Variants in COL21A1 observed in about 807,000 individuals in gnomAD.
COL21A1 encodes the protein collagen alpha-1(XXI) chain.
COL21A1 carries 149 observed loss-of-function variants against 137.9 expected under a neutral mutation model. The observed-to-expected ratio is 1.08, with a 90% CI of 0.95 to 1.24. The LOEUF (loss-of-function observed/expected upper bound fraction) is 1.24. Ranked by LOEUF, COL21A1 falls within the 50% of genes most tolerant of loss-of-function variation. COL21A1 has a pLI of 0.00. For synonymous variants in COL21A1, 456 were observed against 391.5 expected, an observed-to-expected ratio of 1.16 and a Z score of -1.95; for missense variants, 1,167 against 1,158.4, an observed-to-expected ratio of 1.01 and a Z score of -0.11.
chr6:56,227,389 G>A (rs899396878), intron 1 of COL21A1, among the ~76,000 whole-genome samples: 14 of 152,072 alleles, frequency 9.2e-5, no homozygotes, highest in African/African-American at 3.1e-4. Flanking sequence ...AATCCCATAC[G>A]CTTGTTAAGC....
Position 56,222,556 on chromosome 6 carries a change from T to A in COL21A1, c.-39+24831A>T, listed in dbSNP as rs1582676888. On this transcript the variant is annotated intron_variant, in intron 1 of 29. Coordinates refer to ENST00000244728, the MANE Select transcript of COL21A1 (RefSeq NM_030820.4). ...CTAGGGAGTAATTAAATTTAAGACA[T>A]GTAATCCATTTCTATGATGAAACAC... Among the ~76,000 whole-genome samples the A allele has an allele frequency of 4.6e-5, 7 of 152,254 alleles. 1 individual carries two copies. The highest frequency in any genetic ancestry group is 3.9e-4 in the Admixed American group (6 of 15,288).
At chr6:56,103,139 A>G (rs576884818) in intron 16 of COL21A1, among the ~76,000 whole-genome samples, 1 of 152,298 alleles carries the variant, frequency 6.6e-6, no homozygotes, top group South Asian at 2.1e-4. Flanking sequence ...CAGACCAGGC[A>G]AGATCAACTT....
At chr6:56,083,473 G>A (rs1274781078) in intron 17 of COL21A1, among the ~76,000 whole-genome samples, 1 of 151,850 alleles carries the variant, frequency 6.6e-6, no homozygotes. Flanking sequence ...TAGATAATCT[G>A]GAATAAAATT....
intron 1 of COL21A1, among the ~76,000 whole-genome samples, chr6:56,283,796 A>G (rs529971808): frequency 6.6e-6 from 1 of 152,110 alleles, no homozygotes; most frequent in Admixed American, 6.5e-5. Flanking sequence ...AAAAATTCCA[A>G]TACAAAAAGG....
At chr6:56,290,199 C>T (rs941328081) in intron 1 of COL21A1, among the ~76,000 whole-genome samples, 17 of 152,102 alleles carry the variant, frequency 1.1e-4, no homozygotes, top group African/African-American at 4.1e-4. Flanking sequence ...AAGAGATGAG[C>T]TGGGTTGACC....
intron 1 of COL21A1, among the ~76,000 whole-genome samples, chr6:56,204,191 G>A (rs193175278): frequency 6.6e-5 from 10 of 152,116 alleles, no homozygotes; most frequent in East Asian, 3.9e-4. Flanking sequence ...GTCTAGCTCC[G>A]TGGGTCGCTC....
chr6:56,142,011 AT>A, intron 10 of COL21A1, 28 bp from the exon 11 acceptor site: 23 of 1,422,400 alleles, frequency 1.6e-5, no homozygotes, highest in Non-Finnish European at 2.1e-5. Flanking sequence ...AAGAAAAAAA[AT>A]AATATTTCAT....
chr6:56,258,534 CT>C (rs1341838947), intron 1 of COL21A1, among the ~76,000 whole-genome samples: 2 of 152,106 alleles, frequency 1.3e-5, no homozygotes, highest in Admixed American at 6.5e-5. Context: ...AGGTCACAGC[CT>C]TATGACAAGA....
chr6:56,220,902 AG>A (rs1780786795), intron 1 of COL21A1, among the ~76,000 whole-genome samples: 1 of 152,154 alleles, frequency 6.6e-6, no homozygotes, highest in African/African-American at 2.4e-5. Flanking sequence ...GGTCACAAAA[AG>A]GTGGAGCCCA....
At chr6:56,214,574 G>A (rs1780368784) in intron 1 of COL21A1, among the ~76,000 whole-genome samples, 2 of 151,808 alleles carry the variant, frequency 1.3e-5, no homozygotes, top group South Asian at 4.1e-4. Context: ...AGAGTCTGTG[G>A]GTTTAATAGC....
intron 10 of COL21A1, among the ~76,000 whole-genome samples, chr6:56,155,724 T>C (rs1197586403): frequency 4.6e-5 from 7 of 152,204 alleles, no homozygotes; most frequent in Non-Finnish European, 4.4e-5. Flanking sequence ...GCCTCTTAAG[T>C]AGCTGGGATT....
intron 6 of COL21A1, among the ~76,000 whole-genome samples, chr6:56,167,822 T>G (rs1221845687): frequency 6.6e-6 from 1 of 152,174 alleles, no homozygotes; most frequent in Admixed American, 6.5e-5. Flanking sequence ...TTTCCAAATT[T>G]ATTACTTAAA....
chr6:56,153,233 C>T (rs1775460547), intron 10 of COL21A1, among the ~76,000 whole-genome samples: 1 of 152,100 alleles, frequency 6.6e-6, no homozygotes, highest in Non-Finnish European at 1.5e-5. Flanking sequence ...ATAATTCCCT[C>T]AATTAAATTC....
intron 1 of COL21A1, among the ~76,000 whole-genome samples, chr6:56,327,998 A>G (rs139925396): frequency 3.0e-3 from 458 of 152,162 alleles, no homozygotes; most frequent in African/African-American, 0.01. Flanking sequence ...TCGTGGATAT[A>G]AGACAGATTA....
intron 17 of COL21A1, among the ~76,000 whole-genome samples, chr6:56,079,579 T>G (rs1423712034): frequency 6.6e-6 from 1 of 151,534 alleles, no homozygotes; most frequent in Non-Finnish European, 1.5e-5. Flanking sequence ...AGTTTACTCC[T>G]TGGATTTGAT....
intron 1 of COL21A1, among the ~76,000 whole-genome samples, chr6:56,205,539 G>A (rs6934945): frequency 0.63 from 96,151 of 152,052 alleles, 30,698 homozygotes; most frequent in East Asian, 0.86. Context: ...GGGGAGAATG[G>A]AACCAAGTTG....
At chr6:56,351,689 G>A (rs992441302) in intron 1 of COL21A1, among the ~76,000 whole-genome samples, 33 of 152,198 alleles carry the variant, frequency 2.2e-4, no homozygotes, top group African/African-American at 6.5e-4. Context: ...ACTAATCCTG[G>A]GTGGCCAGAG....
chr6:56,331,944 T>C (rs1765235804), intron 1 of COL21A1: 2 of 152,006 alleles, frequency 1.3e-5, no homozygotes, highest in African/African-American at 4.8e-5. Flanking sequence ...ACTTAACTAT[T>C]TACAGATAAA....
intron 1 of COL21A1, among the ~76,000 whole-genome samples, chr6:56,301,013 C>T (rs1212772648): frequency 6.6e-6 from 1 of 152,064 alleles, no homozygotes; most frequent in African/African-American, 2.4e-5. Flanking sequence ...CATTCAGACC[C>T]AATTGTTACT....
Sources: gnomAD v4.1 joint callset for allele counts (sites outside exome capture counted in the v4.1 genomes callset) on GRCh38, gnomAD v4.1.1 for gene constraint, MANE v1.5 for transcripts, NCBI Gene and HGNC (gene_info 2026-07-23, HGNC 2026-07-21) for gene names.